The following DEF6 variants were observed in gnomAD, a reference collection of about 807,000 sequenced individuals.
DEF6 encodes the protein DEF6 guanine nucleotide exchange factor, also known as differentially expressed in FDCP 6 homolog.
Under a neutral mutation model 80.5 loss-of-function variants are expected in DEF6, and 32 were observed. The ratio of observed to expected loss-of-function variants is 0.40; its 90% CI spans 0.30 to 0.53. The LOEUF (loss-of-function observed/expected upper bound fraction) is 0.53. DEF6 is among the 20% of genes least tolerant of loss of function. The pLI is 0.57. For missense variants in DEF6, 575 were observed against 818.7 expected (o/e 0.70, Z 3.63); for synonymous variants, 300 against 337.9 (o/e 0.89, Z 1.23).
Position 35,297,964 on chromosome 6 carries a change from C to T in DEF6, c.96+12C>T. Reference sequence around the variant, plus strand: ...AGTCCCAGCTCAAGGTGAGGGGCACCCGGGACCCGGGGGAGGACGGCAGAT... The same window carrying T: ...AGTCCCAGCTCAAGGTGAGGGGCACTCGGGACCCGGGGGAGGACGGCAGAT... On this transcript the variant is annotated intron_variant, in intron 1 of 10. Transcript: ENST00000316637. 6.3e-7 allele frequency: 1 copy of T among 1,583,582 alleles called. No homozygotes were observed. Among genetic ancestry groups the T allele is most frequent in the Non-Finnish European group, 8.6e-7 (1 of 1,165,736 alleles).
rs1301980897 is a variant in DEF6 at position 35,321,399 on chromosome 6, C to A, written c.1885C>A (p.Pro629Thr). ...TCAGGAAGATAAACTGGATCCAGCA[C>A]CAGAAAATTAGCCTCTCTTAGCCCC... ...TPQEDKLDPAPEN is the reference protein window; with the variant it reads ...TPQEDKLDPATEN Residue 629 changes from proline (P) to threonine (T), a missense_variant, in exon 11 of 11, where the codon CCA (proline) becomes ACA (threonine). Coordinates refer to ENST00000316637, the MANE Select transcript of DEF6 (RefSeq NM_022047.4). 6.2e-7 allele frequency: 1 copy of A among 1,613,600 alleles called. No individual in the cohort carries two copies. The highest frequency in any genetic ancestry group is 1.1e-5 in the South Asian group (1 of 91,048).
Position 35,310,722 on chromosome 6 carries a change from C to T in DEF6, c.423+78C>T, listed in dbSNP as rs185964505. The T allele has an allele frequency of 2.5e-4, 355 of 1,416,990 alleles. 4 individuals are homozygous for T. In the African/African-American group the frequency reaches 3.7e-3, roughly 15 times the overall value. The allele number at this position is 1,416,990 out of a possible 1,614,324, so 87.8% of individuals were successfully genotyped here. A position where few individuals can be genotyped will look rare whatever the true frequency, so the allele number is the denominator to read the frequency against. The stretch of plus-strand genomic sequence containing the variant: ...AAAACCATGAATGAGACCAAACCAC[C>T]TTTGGTGCCTTCCCATATCCCCTTT... On this transcript the variant is annotated intron_variant, in intron 3 of 10. Transcript: ENST00000316637.
In DEF6 at chr6:35,310,552, A is replaced by T; in HGVS notation, c.331A>T (p.Ser111Cys). 6.2e-7 allele frequency: 1 copy of T among 1,614,178 alleles called. No individual in the cohort carries two copies. The highest frequency in any genetic ancestry group is 8.5e-7 in the Non-Finnish European group (1 of 1,180,036). The part of the protein sequence containing the change: ...KNYRADSNGN[S>C]MLSNQDAFRL... ...CTATCGGGCAGATAGCAACGGGAAC[A>T]GTATGCTCTCCAATCAGGATGCCTT... The change falls in exon 3 of 11, where the codon AGT (serine) becomes TGT (cysteine). Residue 111 changes from serine to cysteine, a missense_variant. Transcript: ENST00000316637.
At chr6:35,310,305 AC>A (rs928665259) in intron 2 of DEF6, among the ~76,000 whole-genome samples, 153 bp from the exon 3 acceptor site, 2 of 152,042 alleles carry the variant, frequency 1.3e-5, no homozygotes, top group Non-Finnish European at 2.9e-5. Context: ...CCAGCTAGTT[AC>A]CTGGTAATCA....
At position 35,297,874 on chromosome 6, in the gene DEF6, A is replaced by G. The variant is rs776638810; in HGVS notation, c.18A>G (p.Glu6=). MALRK[E]LLKSIWYAFT... is the part of the protein sequence containing the mutation. ...CCTCAGCCATGGCCCTGCGCAAGGA[A>G]CTGCTCAAGTCCATCTGGTACGCCT... Residue 6 remains glutamate (E), a synonymous_variant, in exon 1 of 11, where the codon GAA becomes GAG. Coordinates refer to ENST00000316637, the MANE Select transcript of DEF6 (RefSeq NM_022047.4). 4 of 1,605,108 alleles carry G rather than the reference A, an allele frequency of 2.5e-6. No homozygotes were observed. The highest frequency in any genetic ancestry group is 3.4e-6 in the Non-Finnish European group (4 of 1,176,618).
At position 35,301,377 on chromosome 6, in the gene DEF6, G is replaced by A. The variant is rs375727505; in HGVS notation, c.96+3425G>A. Among the ~76,000 whole-genome samples the A allele has an allele frequency of 2.2e-3, 336 of 152,286 alleles. 2 individuals carry two copies. Among genetic ancestry groups the A allele is most frequent in the African/African-American group, 7.7e-3 (318 of 41,564 alleles). ...CTCAGAACCACGCAGGCTTGGATCC[G>A]TACTGCTCCCCATCTGGGTGACTTT... On this transcript the variant is annotated intron_variant, in intron 1 of 10. Transcript: ENST00000316637.
At chr6:35,302,717 G>A (rs541169550) in intron 1 of DEF6, among the ~76,000 whole-genome samples, 1 of 152,304 alleles carries the variant, frequency 6.6e-6, no homozygotes, top group African/African-American at 2.4e-5. Context: ...ATGGCAACTT[G>A]TGAAAAATAC....
intron 3 of DEF6, 148 bp downstream of exon 3, chr6:35,310,792 T>C: frequency 1.2e-6 from 1 of 840,850 alleles, no homozygotes; most frequent in Non-Finnish European, 1.8e-6. Context: ...CTCACCCAGC[T>C]GTCTCCAGAT....
At chr6:35,304,436 G>A (rs1187697374) in intron 1 of DEF6, among the ~76,000 whole-genome samples, 1 of 152,254 alleles carries the variant, frequency 6.6e-6, no homozygotes, top group African/African-American at 2.4e-5. Flanking sequence ...GCAGTGACCT[G>A]GAGAGAAATA....
In DEF6 at chr6:35,318,997, C is replaced by CA. The variant is rs770400827; in HGVS notation, c.1216-526dup. Among the ~76,000 whole-genome samples, 18 of 152,066 alleles carry CA rather than the reference C, an allele frequency of 1.2e-4. No individual in the cohort carries two copies. The highest frequency in any genetic ancestry group is 2.1e-4 in the Non-Finnish European group (14 of 68,030). ...CTGCTTCTTACGAGCCCCGTGATCC[C>CA]AGGCAAGTTCATTTTACTGAGCCTT... On this transcript the variant is annotated intron_variant, in intron 7 of 10. Transcript: ENST00000316637. The surrounding 1 kb of genome is among the most constrained non-coding windows in gnomAD (Gnocchi z 5.1).
intron 1 of DEF6, among the ~76,000 whole-genome samples, chr6:35,298,207 AGGTTCTGAGGGCCATTATGG>A (rs543699249): frequency 1.3e-4 from 20 of 152,250 alleles, no homozygotes; most frequent in African/African-American, 4.8e-4. Context: ...GGAGGCCAGG[AGGTTCTGAGGGCCATTATGG>A]GGTTCTGAGG....
chr6:35,312,171 T>C lies in DEF6; in HGVS notation c.424-131T>C. On this transcript the variant is annotated intron_variant, in intron 3 of 10. Transcript: ENST00000316637. This position sits in a 1 kb window ranked among gnomAD's most constrained non-coding sequence, Gnocchi z 6.6. Reference sequence around the variant, plus strand: ...TCCCTGGCTCCATAACATTCGGTCCTCTGGCCCCCTCAACGCTCTGTCCCC... The same window carrying C: ...TCCCTGGCTCCATAACATTCGGTCCCCTGGCCCCCTCAACGCTCTGTCCCC... 1 of 733,760 alleles carries C rather than the reference T, an allele frequency of 1.4e-6. No individual in the cohort carries two copies. The highest frequency in any genetic ancestry group is 2.2e-6 in the Non-Finnish European group (1 of 450,258). 45.5% of individuals were successfully genotyped at this position (733,760 alleles called of 1,614,324 possible). A position where few individuals can be genotyped will look rare whatever the true frequency, so the allele number is the denominator to read the frequency against.
chr6:35,313,651 A>G (rs1791494020), intron 5 of DEF6, among the ~76,000 whole-genome samples: 2 of 152,082 alleles, frequency 1.3e-5, no homozygotes, highest in Admixed American at 6.5e-5. Flanking sequence ...TATACTCTCT[A>G]TCTTCATGTG....
chr6:35,317,141 A>C (rs1791532285), intron 5 of DEF6, among the ~76,000 whole-genome samples: 2 of 152,182 alleles, frequency 1.3e-5, no homozygotes, highest in African/African-American at 4.8e-5. Flanking sequence ...CCTTTTAAAA[A>C]ATTATCATAG....
chr6:35,319,416 C>A lies in DEF6; in HGVS notation c.1216-108C>A. 3.8e-6 allele frequency: 3 copies of A among 789,856 alleles called. No individual in the cohort carries two copies. The highest frequency in any genetic ancestry group is 4.0e-6 in the Non-Finnish European group (2 of 494,212). 48.9% of individuals were successfully genotyped at this position (789,856 alleles called of 1,614,324 possible). A position where few individuals can be genotyped will look rare whatever the true frequency, so the allele number is the denominator to read the frequency against. On this transcript the variant is annotated intron_variant, in intron 7 of 10. Coordinates refer to ENST00000316637, the MANE Select transcript of DEF6 (RefSeq NM_022047.4). The surrounding 1 kb of genome is among the most constrained non-coding windows in gnomAD (Gnocchi z 4.5). ...GGAAACCCCAACATGAAGGAGTTCC[C>A]CAGACCCTCACCCCTAGGCAGCTTA... is the stretch of plus-strand genomic sequence containing the variant.
rs770896714 is a variant in DEF6, at chr6:35,312,481, C to T, written c.603C>T (p.Thr201=). ...GCCTGCGGGGCGTGGGCCGGGACACCCTCAGCATGGCCATCCACGAGGTCT... is the reference window on the plus strand; with the variant it reads ...GCCTGCGGGGCGTGGGCCGGGACACTCTCAGCATGGCCATCCACGAGGTCT... The part of the protein sequence containing the change: ...GRCLRGVGRD[T]LSMAIHEVYQ... Residue 201 remains threonine (T), a synonymous_variant, in exon 4 of 11, where the codon ACC becomes ACT. Transcript: ENST00000316637. The surrounding 1 kb of genome is among the most constrained non-coding windows in gnomAD (Gnocchi z 6.6). 6.1e-5 allele frequency: 99 copies of T among 1,614,174 alleles called. No homozygotes were observed. Among genetic ancestry groups the T allele is most frequent in the Non-Finnish European group, 8.4e-5 (99 of 1,180,042 alleles).
At chr6:35,311,242 T>A (rs1791463846) in intron 3 of DEF6, among the ~76,000 whole-genome samples, 1 of 152,056 alleles carries the variant, frequency 6.6e-6, no homozygotes, top group Admixed American at 6.5e-5. Context: ...CTCCCTCTTA[T>A]CCTCACTTCC....
intron 1 of DEF6, among the ~76,000 whole-genome samples, chr6:35,300,236 C>T (rs974861516): frequency 3.9e-5 from 6 of 152,034 alleles, no homozygotes; most frequent in South Asian, 2.1e-4. Context: ...TATGTTGCCC[C>T]GGCTGGTTTC....
chr6:35,314,281 G>A (rs1038710436), intron 5 of DEF6, among the ~76,000 whole-genome samples: 6 of 151,862 alleles, frequency 4.0e-5, no homozygotes, highest in South Asian at 4.1e-4. Flanking sequence ...GGTGGTGGGC[G>A]CCTGTAATCC....
Sources: gnomAD v4.1 joint callset for allele counts (sites outside exome capture counted in the v4.1 genomes callset) on GRCh38, gnomAD v4.1.1 for gene constraint, Gnocchi (gnomAD v3.1) non-coding constraint, MANE v1.5 for transcripts, NCBI Gene and HGNC (gene_info 2026-07-23, HGNC 2026-07-21) for gene names.